Variants in ZNF311 observed in about 807,000 individuals in gnomAD.
The protein encoded by ZNF311 is zinc finger protein zfp31.
Under a neutral mutation model 22.7 loss-of-function variants are expected in ZNF311, and 14 were observed. The ratio of observed to expected loss-of-function variants is 0.62; its 90% CI spans 0.41 to 0.96. ZNF311 has a LOEUF of 0.96. ZNF311 is among the 40% of genes least tolerant of loss of function. The pLI, the probability that ZNF311 is intolerant of heterozygous loss-of-function variation, is 0.00. For missense variants in ZNF311, 731 were observed against 799.0 expected, an observed-to-expected ratio of 0.91 and a Z score of 1.03; for synonymous variants, 250 against 275.3, an observed-to-expected ratio of 0.91 and a Z score of 0.91.
chr6:29,004,262 T>C (rs536672228), intron 1 of ZNF311, 48 bp from the exon 2 acceptor site: 610 of 1,320,312 alleles, frequency 4.6e-4, no homozygotes, highest in Admixed American at 2.6e-3. Flanking sequence ...CAGGAAAAAA[T>C]AGGGAGTCAC....
At chr6:28,996,633 T>G (rs372388095) in intron 6 of ZNF311, 47 bp from the exon 7 acceptor site, 1 of 1,523,106 alleles carries the variant, frequency 6.6e-7, no homozygotes, top group South Asian at 1.3e-5. Context: ...ATAAGTGAGA[T>G]GGGAGGCGTG....
chr6:29,002,316 G>A (rs1045652802), intron 3 of ZNF311, among the ~76,000 whole-genome samples: 1 of 152,198 alleles, frequency 6.6e-6, no homozygotes, highest in African/African-American at 2.4e-5. Flanking sequence ...TGGGAGACTC[G>A]TGCATCCGAG....
At position 28,995,714 on chromosome 6, in the gene ZNF311, G is replaced by C. The variant is rs746585635; in HGVS notation, c.1288C>G (p.Leu430Val). The change falls in exon 7 of 7, where the codon CTA becomes GTA. Residue 430 changes from leucine to valine, a missense_variant. Physicochemically the swap from Leu to Val is conservative, Grantham distance 32 (BLOSUM62 1). Transcript: ENST00000377179. The surrounding 1 kb of genome is among the most constrained non-coding windows in gnomAD (Gnocchi z 4.7). ...GTATGGATTCGTTTGTGTTTGCTTAGGTCTGAGCTCCGACTGAAGGCCCTT... is the reference window on the plus strand; with the variant it reads ...GTATGGATTCGTTTGTGTTTGCTTACGTCTGAGCTCCGACTGAAGGCCCTT... ...CGRAFSRSSD[L>V]SKHKRIHTRE... 1 of 1,613,680 alleles carries C rather than the reference G, an allele frequency of 6.2e-7. No individual in the cohort carries two copies. The highest frequency in any genetic ancestry group is 8.5e-7 in the Non-Finnish European group (1 of 1,180,014).
chr6:29,002,779 C>G (rs1025988036), intron 3 of ZNF311, among the ~76,000 whole-genome samples: 3 of 152,052 alleles, frequency 2.0e-5, no homozygotes, highest in Non-Finnish European at 4.4e-5. Context: ...TTACACCACA[C>G]CTGGCTAATT....
At position 28,995,668 on chromosome 6, in the gene ZNF311, C is replaced by T. The variant is rs140142892; in HGVS notation, c.1334G>A (p.Cys445Tyr). ...GCTGAAGTCTTTTCCACACTGGGGA[C>T]ACCCATAGTGTTTCTCCCGAGTATG... Reference protein sequence around the residue: ...RIHTREKHYGCPQCGKDFSIK... With the variant: ...RIHTREKHYGYPQCGKDFSIK... Residue 445 changes from cysteine to tyrosine, a missense_variant, in exon 7 of 7, where the codon TGT (cysteine) becomes TAT (tyrosine). Cys to Tyr is a radical substitution (Grantham distance 194, BLOSUM62 -2). Transcript: ENST00000377179. This position sits in a 1 kb window ranked among gnomAD's most constrained non-coding sequence, Gnocchi z 4.7. 13 of 1,613,440 alleles carry T rather than the reference C, an allele frequency of 8.1e-6. No individual in the cohort carries two copies. In the South Asian group the frequency reaches 1.3e-4, roughly 16 times the overall value.
At position 28,999,481 on chromosome 6, in the gene ZNF311, C is replaced by T. The variant is rs1367813343; in HGVS notation, c.310+6G>A. Reference sequence around the variant, plus strand: ...AGAAAGCATTAAGTGTAGGGAAGGTCCTTACCAAGTGATACCATGTTCCCA... The same window carrying T: ...AGAAAGCATTAAGTGTAGGGAAGGTTCTTACCAAGTGATACCATGTTCCCA... On this transcript the variant is annotated splice_donor_region_variant and intron_variant, in intron 5 of 6. Transcript: ENST00000377179. 3 of 1,604,560 alleles carry T rather than the reference C, an allele frequency of 1.9e-6. No homozygotes were observed. The highest frequency in any genetic ancestry group is 2.5e-6 in the Non-Finnish European group (3 of 1,176,860).
Position 28,998,968 on chromosome 6 carries a change from G to A in ZNF311, c.311-130C>T, listed in dbSNP as rs1780030541. ...GAAATGTTAATTTAGATAGAGAAAA[G>A]GGTTTTTCAGGGGTCTAGTAACATG... On this transcript the variant is annotated intron_variant, in intron 5 of 6. Coordinates refer to ENST00000377179, the MANE Select transcript of ZNF311 (RefSeq NM_001382360.1). 1.4e-5 allele frequency: 8 copies of A among 578,566 alleles called. No homozygotes were observed. In the South Asian group the frequency reaches 2.2e-4, roughly 16 times the overall value. The allele number at this position is 578,566 out of a possible 1,614,324, so 35.8% of individuals were successfully genotyped here. A position where few individuals can be genotyped will look rare whatever the true frequency, so the allele number is the denominator to read the frequency against.
In ZNF311 at chr6:28,995,478, G is replaced by C. The variant is rs1314991527; in HGVS notation, c.1524C>G (p.Phe508Leu). The C allele has an allele frequency of 6.2e-7, 1 of 1,613,180 alleles. No homozygotes were observed. The highest frequency in any genetic ancestry group is 8.5e-7 in the Non-Finnish European group (1 of 1,179,592). ...PYQCRDCGKTFQDKHCLTIHQ... is the reference protein window; with the variant it reads ...PYQCRDCGKTLQDKHCLTIHQ... ...GGATGGTAAGGCAGTGCTTATCTTG[G>C]AAGGTTTTCCCACAATCCCTGCATT... The change falls in exon 7 of 7, where the codon TTC becomes TTG. Residue 508 changes from phenylalanine to leucine, a missense_variant. By Grantham distance (22) the Phe-to-Leu change is conservative. Transcript: ENST00000377179. The surrounding 1 kb of genome is among the most constrained non-coding windows in gnomAD (Gnocchi z 4.7).
rs1019135162 is a variant in ZNF311 at position 29,004,011 on chromosome 6, G to A, written c.-57C>T. 2.5e-6 allele frequency: 4 copies of A among 1,612,838 alleles called. No individual in the cohort carries two copies. The highest frequency in any genetic ancestry group is 3.4e-6 in the Non-Finnish European group (4 of 1,179,898). Reference sequence around the variant, plus strand: ...ACTGCTGTCCTGGTTTCTTCCTACTGGTCAGATCCAGTTCTCAAACAAGCT... The same window carrying A: ...ACTGCTGTCCTGGTTTCTTCCTACTAGTCAGATCCAGTTCTCAAACAAGCT... On this transcript the variant is annotated 5_prime_UTR_variant, in exon 2 of 7. It introduces an in-frame stop codon into an upstream open reading frame of the 5' UTR. Coordinates refer to ENST00000377179, the MANE Select transcript of ZNF311 (RefSeq NM_001382360.1).
rs1170239969 is a variant in ZNF311, at chr6:28,998,851, A to G, written c.311-13T>C. 1 of 1,593,576 alleles carries G rather than the reference A, an allele frequency of 6.3e-7. No individual in the cohort carries two copies. ...GGAAATGGAAATCCTGGTTGCAGAG[A>G]AGAAATAAGTGTGTAGAGTAACTTA... On this transcript the variant is annotated splice_polypyrimidine_tract_variant and intron_variant, in intron 5 of 6. Transcript: ENST00000377179.
At position 28,996,669 on chromosome 6, in the gene ZNF311, T is replaced by G. The variant is rs1779655017; in HGVS notation, c.416-83A>C. 4.8e-6 allele frequency: 7 copies of G among 1,449,124 alleles called. No homozygotes were observed. In the South Asian group the frequency reaches 1.0e-4, roughly 21 times the overall value. The allele number at this position is 1,449,124 out of a possible 1,614,324, so 89.8% of individuals were successfully genotyped here. ...AAGCAATGTTAAGCTGTTTGAAGAGTAAATAACTTTTCCATGCTGGAAAAA... is the reference window on the plus strand; with the variant it reads ...AAGCAATGTTAAGCTGTTTGAAGAGGAAATAACTTTTCCATGCTGGAAAAA... On this transcript the variant is annotated intron_variant, in intron 6 of 6. Transcript: ENST00000377179.
intron 3 of ZNF311, among the ~76,000 whole-genome samples, chr6:29,001,505 A>T (rs1311915286): frequency 6.6e-6 from 1 of 152,182 alleles, no homozygotes; most frequent in Non-Finnish European, 1.5e-5. Flanking sequence ...AACTGTCTCA[A>T]AAAGTCTAAA....
intron 1 of ZNF311, among the ~76,000 whole-genome samples, chr6:29,004,621 G>A (rs1013752691): frequency 2.6e-5 from 4 of 151,978 alleles, no homozygotes; most frequent in African/African-American, 9.7e-5. Context: ...AAACTCTCCA[G>A]TGGTTCATAC....
chr6:29,002,642 A>G (rs1236852997), intron 3 of ZNF311, among the ~76,000 whole-genome samples: 1 of 138,058 alleles, frequency 7.2e-6, no homozygotes, highest in Admixed American at 7.5e-5. Flanking sequence ...TTTTTTTTAG[A>G]CAGAGTCTCA....
intron 5 of ZNF311, 48 bp from the exon 6 acceptor site, chr6:28,998,886 A>G: frequency 7.5e-7 from 1 of 1,341,162 alleles, no homozygotes; most frequent in Non-Finnish European, 1.1e-6. Flanking sequence ...ATAACTTAAT[A>G]ACTTATAACT....
chr6:29,000,206 T>C (rs909881527), intron 3 of ZNF311, among the ~76,000 whole-genome samples, 159 bp from the exon 4 acceptor site: 6 of 152,154 alleles, frequency 3.9e-5, no homozygotes, highest in African/African-American at 1.4e-4. Context: ...ATTTTTCTAG[T>C]CTCAACTTCC....
chr6:29,003,894 T>C (rs1780802519), intron 2 of ZNF311, 52 bp downstream of exon 2: 1 of 1,612,870 alleles, frequency 6.2e-7, no homozygotes, highest in Non-Finnish European at 8.5e-7. Flanking sequence ...TTTCTTGGAC[T>C]CACTTCTCCT....
chr6:28,995,245 C>T lies in ZNF311; in HGVS notation c.1757G>A (p.Ser586Asn). Residue 586 changes from serine to asparagine, a missense_variant, in exon 7 of 7, where the codon AGT becomes AAT. Transcript: ENST00000377179. The surrounding 1 kb of genome is among the most constrained non-coding windows in gnomAD (Gnocchi z 4.7). ...CTGACGGAAGGACGTGCCACACTCA[C>T]TGCAGGTGTATGGCTTCTCACCAGT... ...IHTGEKPYTCSECGTSFRQGS... is the reference protein window; with the variant it reads ...IHTGEKPYTCNECGTSFRQGS... 1 of 1,614,100 alleles carries T rather than the reference C, an allele frequency of 6.2e-7. No homozygotes were observed. The highest frequency in any genetic ancestry group is 8.5e-7 in the Non-Finnish European group (1 of 1,180,044).
Position 28,996,394 on chromosome 6 carries a change from A to G in ZNF311, c.608T>C (p.Leu203Pro). The G allele has an allele frequency of 6.2e-7, 1 of 1,611,192 alleles. No individual in the cohort carries two copies. ...NQWETSIREK[L>P]REEKEGSEEV... ...CTCAGAGCCTTCTTTCTCTTCTCTCAGTTTCTCCCTTATAGATGTTTCCCA... is the reference window on the plus strand; with the variant it reads ...CTCAGAGCCTTCTTTCTCTTCTCTCGGTTTCTCCCTTATAGATGTTTCCCA... Residue 203 changes from leucine to proline, a missense_variant, in exon 7 of 7, where the codon CTG becomes CCG. By Grantham distance (98) the Leu-to-Pro change is moderately conservative. Coordinates refer to ENST00000377179, the MANE Select transcript of ZNF311 (RefSeq NM_001382360.1).
Sources: gnomAD v4.1 joint callset for allele counts (sites outside exome capture counted in the v4.1 genomes callset) on GRCh38, gnomAD v4.1.1 for gene constraint, Gnocchi (gnomAD v3.1) non-coding constraint, MANE v1.5 for transcripts, NCBI Gene and HGNC (gene_info 2026-07-23, HGNC 2026-07-21) for gene names.